Variants in CTBP1 observed in about 807,000 individuals in gnomAD.
CTBP1 encodes C-terminal binding protein 1, also known as C-terminal-binding protein 1.
A neutral mutation model predicts 42.1 loss-of-function variants in CTBP1; 11 were observed. The ratio of observed to expected loss-of-function variants is 0.26; its 90% CI spans 0.16 to 0.43. The LOEUF (loss-of-function observed/expected upper bound fraction) is 0.43, where lower values mean the gene tolerates loss of function less well. CTBP1 is among the 20% of genes least tolerant of loss of function. CTBP1 has a pLI of 1.00. For missense variants in CTBP1, 399 were observed against 624.3 expected, an observed-to-expected ratio of 0.64 and a Z score of 3.85; for synonymous variants, 324 against 277.1, an observed-to-expected ratio of 1.17 and a Z score of -1.68.
At position 1,233,463 on chromosome 4, in the gene CTBP1, C is replaced by T. The variant is rs564135990; in HGVS notation, c.162+4720G>A. Among the ~76,000 whole-genome samples the T allele has an allele frequency of 6.6e-6, 1 of 152,316 alleles. No homozygotes were observed. The highest frequency in any genetic ancestry group is 2.1e-4 in the South Asian group (1 of 4,828). On this transcript the variant is annotated intron_variant, in intron 3 of 9. Transcript: ENST00000382952. This position sits in a 1 kb window ranked among gnomAD's most constrained non-coding sequence, Gnocchi z 4.6. ...CTCGCAGGCCACTGCGTCCTGTGCC[C>T]TCCCGGAGCCGCCCTGCCGCTCCAG... is the stretch of plus-strand genomic sequence containing the variant.
In CTBP1 at chr4:1,228,344, CT is replaced by C. The variant is rs1460287024; in HGVS notation, c.163-2del. On this transcript the variant is annotated splice_acceptor_variant, in intron 3 of 9. Transcript: ENST00000382952. LOFTEE classifies it high-confidence loss of function. ...GGGCCCCCACAGCCTCGTTCAGGACCTGCAGCGAGAAAGCACACAGGCTCAG... is the reference window on the plus strand; with the variant it reads ...GGGCCCCCACAGCCTCGTTCAGGACCGCAGCGAGAAAGCACACAGGCTCAG... 1 of 1,612,618 alleles carries C rather than the reference CT, an allele frequency of 6.2e-7. No homozygotes were observed.
chr4:1,245,111 G>A (rs1236257320), intron 1 of CTBP1: 6 of 985,362 alleles, frequency 6.1e-6, no homozygotes, highest in Non-Finnish European at 7.2e-6. Flanking sequence ...TCCGACGACA[G>A]CACCCCAGAC....
rs1423686043 is a variant in CTBP1 at position 1,249,054 on chromosome 4, C to T, written c.-327G>A. On this transcript the variant is annotated 5_prime_UTR_variant, in exon 1 of 10. Transcript: ENST00000382952. ...GCCTCGGCGCCGTCCGCTGCTCCGCCCGCCCGCCTGCGCCTGGCCGCCGCC... is the reference window on the plus strand; with the variant it reads ...GCCTCGGCGCCGTCCGCTGCTCCGCTCGCCCGCCTGCGCCTGGCCGCCGCC... The T allele has an allele frequency of 6.3e-6, 3 of 478,562 alleles. No homozygotes were observed. Among genetic ancestry groups the T allele is most frequent in the Non-Finnish European group, 8.1e-6 (3 of 369,784 alleles). 29.6% of individuals were successfully genotyped at this position (478,562 alleles called of 1,614,324 possible). A position where few individuals can be genotyped will look rare whatever the true frequency, so the allele number is the denominator to read the frequency against.
chr4:1,213,229 C>T (rs966741219), intron 8 of CTBP1, among the ~76,000 whole-genome samples, 199 bp from the exon 9 acceptor site: 1 of 152,078 alleles, frequency 6.6e-6, no homozygotes, highest in Admixed American at 6.5e-5. Context: ...GCCCAGAGCA[C>T]GTGCCCAGCT....
chr4:1,228,335 G>T lies in CTBP1; in HGVS notation c.171C>A (p.Asn57Lys). 9.3e-6 allele frequency: 15 copies of T among 1,613,434 alleles called. No individual in the cohort carries two copies. Among genetic ancestry groups the T allele is most frequent in the Non-Finnish European group, 1.3e-5 (15 of 1,179,506 alleles). Residue 57 changes from asparagine to lysine, a missense_variant, in exon 4 of 10, where the codon AAC becomes AAA. Physicochemically the swap from Asn to Lys is moderately conservative, Grantham distance 94 (BLOSUM62 0). This residue lies in a region of CTBP1 where 309 missense variants were observed against 497.5 expected (regional missense o/e 0.62). Transcript: ENST00000382952. ...STQEIHEKVL[N>K]EAVGALMYHT... is the part of the protein sequence containing the mutation. ...GGTACATCAGGGCCCCCACAGCCTC[G>T]TTCAGGACCTGCAGCGAGAAAGCAC...
intron 1 of CTBP1, chr4:1,242,247 C>G (rs949726063): frequency 4.1e-6 from 4 of 985,294 alleles, no homozygotes; most frequent in Non-Finnish European, 4.8e-6. Flanking sequence ...AGAGTGCACA[C>G]GATCGCCCAG....
At chr4:1,237,580 C>A (rs1731676136) in intron 3 of CTBP1, 1 of 680,586 alleles carries the variant, frequency 1.5e-6, no homozygotes, top group African/African-American at 1.9e-5. Flanking sequence ...CTGTGTCCAC[C>A]TCCTGATGGG....
chr4:1,248,455 G>C (rs1732987750), intron 1 of CTBP1, among the ~76,000 whole-genome samples: 1 of 150,332 alleles, frequency 6.7e-6, no homozygotes, highest in Non-Finnish European at 1.5e-5. Flanking sequence ...AGTGGCCCGG[G>C]AGCGCGCGCC....
chr4:1,213,999 C>A, intron 7 of CTBP1: 1 of 411,728 alleles, frequency 2.4e-6, no homozygotes, highest in Non-Finnish European at 4.3e-6. Context: ...TCCCAAGGTG[C>A]TGTAGGGGCT....
chr4:1,236,943 G>A (rs1413230723), intron 3 of CTBP1: 6 of 679,720 alleles, frequency 8.8e-6, no homozygotes, highest in Non-Finnish European at 1.6e-5. Flanking sequence ...ATGGGGCTCA[G>A]GGCAAACCCC....
At chr4:1,243,630 T>C in intron 1 of CTBP1, 1 of 985,372 alleles carries the variant, frequency 1.0e-6, no homozygotes, top group Non-Finnish European at 1.2e-6. Flanking sequence ...AGTGTCCGAG[T>C]CCTGGAGCCC....
chr4:1,214,084 CT>C, intron 7 of CTBP1: 1 of 501,056 alleles, frequency 2.0e-6, no homozygotes, highest in South Asian at 3.0e-5. Flanking sequence ...GGGCCTCACT[CT>C]CTCCTGGTTG....
At chr4:1,244,296 G>A (rs1732493023) in intron 1 of CTBP1, 1 of 984,812 alleles carries the variant, frequency 1.0e-6, no homozygotes, top group South Asian at 4.7e-5. Flanking sequence ...GCACACTGGG[G>A]GTCACCATGG....
intron 6 of CTBP1, among the ~76,000 whole-genome samples, chr4:1,215,172 C>G (rs897527438): frequency 2.0e-5 from 3 of 152,234 alleles, no homozygotes; most frequent in Non-Finnish European, 4.4e-5. Context: ...CCAGCATCCA[C>G]GTGCCACACC....
intron 1 of CTBP1, chr4:1,243,061 C>A: frequency 1.0e-6 from 1 of 985,450 alleles, no homozygotes. Context: ...CCGGCTGATA[C>A]TCATTGATAC....
At chr4:1,237,647 C>G in intron 3 of CTBP1, 1 of 372,808 alleles carries the variant, frequency 2.7e-6, no homozygotes. Flanking sequence ...ACCCCGTGTC[C>G]ACCTCCTGAT....
At chr4:1,225,790 G>GCA (rs1242839070) in intron 4 of CTBP1, among the ~76,000 whole-genome samples, 1 of 152,186 alleles carries the variant, frequency 6.6e-6, no homozygotes, top group Non-Finnish European at 1.5e-5. Context: ...TCACGTGGCA[G>GCA]CACACACACG....
At chr4:1,249,715 G>T (rs750462060), upstream of CTBP1, 105 of 402,228 alleles carry the variant, frequency 2.6e-4, no homozygotes, top group Admixed American at 6.3e-4. Flanking sequence ...GCGTCCCCAG[G>T]CGGGGGAGCC....
rs1733069857 is a variant in CTBP1, at chr4:1,248,911, C to A, written c.-189+5G>T. On this transcript the variant is annotated splice_donor_5th_base_variant and intron_variant, in intron 1 of 9. Coordinates refer to ENST00000382952, the MANE Select transcript of CTBP1 (RefSeq NM_001012614.2). ...GGCCGGAAACGCGCGCGCGCGCGGC[C>A]TTACCAAGCGGCAGGCCCTTGTTGA... The A allele has an allele frequency of 5.0e-6, 5 of 993,992 alleles. No individual in the cohort carries two copies. Among genetic ancestry groups the A allele is most frequent in the Admixed American group, 5.9e-5 (1 of 16,926 alleles). 61.6% of individuals were successfully genotyped at this position (993,992 alleles called of 1,614,324 possible).
Sources: allele counts gnomAD v4.1 joint callset (sites outside exome capture counted in the v4.1 genomes callset), GRCh38; gene constraint gnomAD v4.1.1; regional missense constraint gnomAD v4.1.1; non-coding constraint Gnocchi (gnomAD v3.1); transcripts MANE v1.5; gene names NCBI Gene and HGNC (gene_info 2026-07-23, HGNC 2026-07-21).